CDH13: variants seen among roughly 807,000 people sequenced by gnomAD.
The protein encoded by CDH13 is cadherin 13.
In CDH13, 24 loss-of-function variants were observed where a neutral mutation model predicts 63.8. The observed-to-expected ratio is 0.38, with a 90% CI of 0.27 to 0.53. CDH13 has a LOEUF of 0.53. Ranked by LOEUF, CDH13 falls within the 20% of genes least tolerant of loss-of-function variation. CDH13 has a pLI of 0.85. For synonymous variants in CDH13, 503 were observed against 355.3 expected, an observed-to-expected ratio of 1.42 and a Z score of -4.67; for missense variants, 1,049 against 903.1, an observed-to-expected ratio of 1.16 and a Z score of -2.07.
chr16:82,793,464 G>C (rs1597602592), intron 1 of CDH13, among the ~76,000 whole-genome samples: 1 of 152,114 alleles, frequency 6.6e-6, no homozygotes, highest in East Asian at 1.9e-4. Context: ...AAAATACCCT[G>C]TGGAGTTCCC....
At chr16:82,932,035 G>A (rs528322246) in intron 2 of CDH13, among the ~76,000 whole-genome samples, 2 of 152,066 alleles carry the variant, frequency 1.3e-5, no homozygotes, top group African/African-American at 2.4e-5. Flanking sequence ...GATAGCTTGT[G>A]GGGGGAAAAT....
At chr16:82,848,620 A>T (rs2039360902) in intron 1 of CDH13, among the ~76,000 whole-genome samples, 1 of 150,666 alleles carries the variant, frequency 6.6e-6, no homozygotes, top group African/African-American at 2.4e-5. Context: ...CCCATATAAG[A>T]TGCCAAACTT....
chr16:83,563,380 A>G (rs1008144273), intron 7 of CDH13, among the ~76,000 whole-genome samples: 1 of 152,232 alleles, frequency 6.6e-6, no homozygotes, highest in African/African-American at 2.4e-5. Flanking sequence ...CAACATGATA[A>G]AAATGTTTTT....
chr16:83,649,656 C>G (rs983490773), intron 8 of CDH13, among the ~76,000 whole-genome samples: 1 of 152,054 alleles, frequency 6.6e-6, no homozygotes, highest in Non-Finnish European at 1.5e-5. Flanking sequence ...CCTCCTGCAG[C>G]CAGGGGAAGG....
intron 1 of CDH13, among the ~76,000 whole-genome samples, chr16:82,678,541 C>T (rs1444717697): frequency 6.6e-6 from 1 of 152,166 alleles, no homozygotes; most frequent in African/African-American, 2.4e-5. Flanking sequence ...TTGAATGAAA[C>T]AAAGCCTTCT....
intron 1 of CDH13, among the ~76,000 whole-genome samples, chr16:82,843,781 G>A (rs543651970): frequency 2.3e-4 from 35 of 152,208 alleles, no homozygotes; most frequent in Non-Finnish European, 4.4e-4. Context: ...CCACTTTACA[G>A]CAAGGCCGGG....
chr16:83,490,211 C>G (rs2073982428), intron 7 of CDH13, among the ~76,000 whole-genome samples: 1 of 152,172 alleles, frequency 6.6e-6, no homozygotes, highest in Non-Finnish European at 1.5e-5. Flanking sequence ...AATTTCCTTT[C>G]TTAAGTGCAT....
At chr16:83,469,591 T>G (rs541243029) in intron 6 of CDH13, among the ~76,000 whole-genome samples, 1 of 152,294 alleles carries the variant, frequency 6.6e-6, no homozygotes, top group South Asian at 2.1e-4. Flanking sequence ...TTTTGTCTAT[T>G]GCATCTTCAT....
At position 83,580,402 on chromosome 16, in the gene CDH13, C is replaced by A. The variant is rs549103027; in HGVS notation, c.961-22052C>A. On this transcript the variant is annotated intron_variant, in intron 7 of 13. Coordinates refer to ENST00000567109, the MANE Select transcript of CDH13 (RefSeq NM_001257.5). ...GTCCAGGAAGGTCCAAAATCTAAGACTCTAAGATCAAGGTAACTCAGCACC... is the reference window on the plus strand; with the variant it reads ...GTCCAGGAAGGTCCAAAATCTAAGAATCTAAGATCAAGGTAACTCAGCACC... Among the ~76,000 whole-genome samples the A allele has an allele frequency of 4.0e-5, 6 of 151,246 alleles. No homozygotes were observed. The South Asian group carries it at 6.3e-4, about 16-fold the overall frequency.
chr16:83,122,349 C>T (rs2035620510), intron 3 of CDH13, among the ~76,000 whole-genome samples: 1 of 152,074 alleles, frequency 6.6e-6, no homozygotes, highest in Non-Finnish European at 1.5e-5. Context: ...TTATGTTTTC[C>T]TTCTTTTATG....
At chr16:83,089,006 G>C (rs1472572713) in intron 3 of CDH13, among the ~76,000 whole-genome samples, 1 of 152,188 alleles carries the variant, frequency 6.6e-6, no homozygotes, top group Non-Finnish European at 1.5e-5. Context: ...AATACAAACA[G>C]TGTGGATTAC....
rs35207887 is a variant in CDH13, at chr16:83,030,640, T to TAAAAAAAAAA, written c.158-1356_158-1347dup. 8.6e-5 allele frequency among the ~76,000 whole-genome samples: 8 copies of TAAAAAAAAAA among 92,898 alleles called. 1 individual carries two copies. Among genetic ancestry groups the TAAAAAAAAAA allele is most frequent in the South Asian group, 4.6e-4 (1 of 2,176 alleles). 60.9% of individuals were successfully genotyped at this position (92,898 alleles called of 152,430 possible). A position where few individuals can be genotyped will look rare whatever the true frequency, so the allele number is the denominator to read the frequency against. ...TCTGGATGACAGAGCAAGACTCTGT[T>TAAAAAAAAAA]AAAAAAAAAAAAAAAAAAAAAAAGC... On this transcript the variant is annotated intron_variant, in intron 2 of 13. Coordinates refer to ENST00000567109, the MANE Select transcript of CDH13 (RefSeq NM_001257.5).
intron 6 of CDH13, among the ~76,000 whole-genome samples, chr16:83,395,213 C>A (rs1421874081): frequency 2.0e-5 from 3 of 149,864 alleles, no homozygotes; most frequent in Middle Eastern, 3.6e-3. Flanking sequence ...ACTTGGGAGG[C>A]TGAGGCAGGA....
At chr16:83,635,137 C>G (rs866370656) in intron 8 of CDH13, among the ~76,000 whole-genome samples, 3 of 152,026 alleles carry the variant, frequency 2.0e-5, no homozygotes, top group Non-Finnish European at 4.4e-5. Context: ...AATAGCTGCT[C>G]TCTGGTTTGG....
At chr16:83,479,518 G>T (rs921224128) in intron 6 of CDH13, among the ~76,000 whole-genome samples, 1 of 152,124 alleles carries the variant, frequency 6.6e-6, no homozygotes, top group Non-Finnish European at 1.5e-5. Context: ...TTAGCCGGGC[G>T]TAGTGGCAGA....
At chr16:83,696,624 AACATTTCCC>A (rs1418370892) in intron 10 of CDH13, among the ~76,000 whole-genome samples, 2 of 152,210 alleles carry the variant, frequency 1.3e-5, no homozygotes, top group African/African-American at 4.8e-5. Flanking sequence ...TCAACAAGTA[AACATTTCCC>A]AAATACTTAA....
chr16:83,399,084 C>G (rs552433846), intron 6 of CDH13, among the ~76,000 whole-genome samples: 1 of 152,250 alleles, frequency 6.6e-6, no homozygotes, highest in South Asian at 2.1e-4. Context: ...ACCATCAGAC[C>G]ATAAATTGTG....
At chr16:83,298,186 C>A (rs565195145) in intron 5 of CDH13, among the ~76,000 whole-genome samples, 1 of 151,724 alleles carries the variant, frequency 6.6e-6, no homozygotes, top group East Asian at 1.9e-4. Context: ...GAGGCTGTAG[C>A]GAGCAATGAT....
At chr16:83,169,783 T>C (rs1008288325) in intron 4 of CDH13, among the ~76,000 whole-genome samples, 15 of 152,132 alleles carry the variant, frequency 9.9e-5, no homozygotes, top group Admixed American at 9.2e-4. Flanking sequence ...TTTTTAAATC[T>C]TTAGACAGAT....
Sources: allele counts gnomAD v4.1 joint callset (sites outside exome capture counted in the v4.1 genomes callset), GRCh38; gene constraint gnomAD v4.1.1; transcripts MANE v1.5; gene names NCBI Gene and HGNC (gene_info 2026-07-23, HGNC 2026-07-21).